RMST: variants seen among roughly 807,000 people sequenced by gnomAD.
The protein encoded by RMST is long intergenic non-protein coding RNA 54.
chr12:97,477,268 G>A (rs942285209), intron 5 of RMST, among the ~76,000 whole-genome samples: 2 of 152,116 alleles, frequency 1.3e-5, no homozygotes, highest in South Asian at 4.1e-4. Context: ...ATGTGGTGAG[G>A]TCCATGGATA....
In RMST at chr12:97,542,452, C is replaced by T. The variant is rs562945027; in HGVS notation, n.1545+11593C>T. 2.3e-3 allele frequency among the ~76,000 whole-genome samples: 350 copies of T among 151,834 alleles called. 1 individual carries two copies. The highest frequency in any genetic ancestry group is 8.0e-3 in the African/African-American group (331 of 41,436). ...AATTTAGAAACAGGAAAGGACTTCT[C>T]GAAAAAGAGAAAATAATACCAAAAA... On this transcript the variant is annotated intron_variant and non_coding_transcript_variant, in intron 11 of 13. Transcript: ENST00000640149.
intron 5 of RMST, among the ~76,000 whole-genome samples, chr12:97,484,740 G>A (rs1161669681): frequency 2.6e-5 from 4 of 152,122 alleles, no homozygotes; most frequent in East Asian, 3.9e-4. Context: ...CTCTTCCATT[G>A]TAAACTAAGA....
chr12:97,488,365 T>A (rs541309172), intron 5 of RMST, among the ~76,000 whole-genome samples: 2 of 152,290 alleles, frequency 1.3e-5, no homozygotes, highest in South Asian at 4.1e-4. Context: ...TTGAGACACA[T>A]TGATCGTGCC....
At chr12:97,503,788 C>T (rs1010760107) in intron 10 of RMST, among the ~76,000 whole-genome samples, 5 of 152,232 alleles carry the variant, frequency 3.3e-5, no homozygotes, top group African/African-American at 1.2e-4. Context: ...TTTGTACAGA[C>T]ACACTTTCTA....
intron 10 of RMST, among the ~76,000 whole-genome samples, chr12:97,521,501 A>G (rs1282765249): frequency 2.0e-5 from 3 of 152,180 alleles, no homozygotes; most frequent in Non-Finnish European, 2.9e-5. Flanking sequence ...TTTTTTCCTT[A>G]GTTACACTGA....
At chr12:97,493,760 G>C (rs567520189) in intron 7 of RMST, 96 of 152,182 alleles carry the variant, frequency 6.3e-4, no homozygotes, top group African/African-American at 2.3e-3. Context: ...CAGCTAATTT[G>C]TGCTATAATT....
At chr12:97,512,528 C>A (rs539764746) in intron 10 of RMST, among the ~76,000 whole-genome samples, 4 of 152,202 alleles carry the variant, frequency 2.6e-5, no homozygotes, top group Non-Finnish European at 4.4e-5. Flanking sequence ...AGGTTCTCCA[C>A]GTCCCCACCA....
intron 10 of RMST, among the ~76,000 whole-genome samples, chr12:97,519,017 A>G (rs1040772206): frequency 6.6e-6 from 1 of 152,100 alleles, no homozygotes; most frequent in Non-Finnish European, 1.5e-5. Flanking sequence ...GCCTCAAGCT[A>G]TTGTCCTGCC....
At chr12:97,477,196 G>C (rs570745342) in intron 5 of RMST, among the ~76,000 whole-genome samples, 1 of 152,194 alleles carries the variant, frequency 6.6e-6, no homozygotes, top group Non-Finnish European at 1.5e-5. Flanking sequence ...GCCCACATGC[G>C]CTTTGAAGTT....
At chr12:97,558,768 G>A (rs1223841878) in intron 11 of RMST, among the ~76,000 whole-genome samples, 1 of 152,140 alleles carries the variant, frequency 6.6e-6, no homozygotes, top group Non-Finnish European at 1.5e-5. Context: ...AAGGGGCTTG[G>A]TTATTTATTC....
intron 5 of RMST, among the ~76,000 whole-genome samples, chr12:97,473,970 GA>G (rs1265750591): frequency 6.6e-6 from 1 of 151,996 alleles, no homozygotes; most frequent in Admixed American, 6.6e-5. Context: ...TGTAGATGTA[GA>G]AAAAAGAGCC....
At chr12:97,561,510 A>G (rs189708335) in intron 13 of RMST, among the ~76,000 whole-genome samples, 1 of 152,286 alleles carries the variant, frequency 6.6e-6, no homozygotes, top group Admixed American at 6.5e-5. Context: ...TGAATTTTCA[A>G]TTCACATGAA....
chr12:97,525,552 G>A (rs1881006632), intron 10 of RMST, among the ~76,000 whole-genome samples: 1 of 152,166 alleles, frequency 6.6e-6, no homozygotes. Context: ...ATACTGTGAA[G>A]ATTAGTTTCT....
At chr12:97,562,165 C>T (rs1884164446) in intron 13 of RMST, among the ~76,000 whole-genome samples, 1 of 152,124 alleles carries the variant, frequency 6.6e-6, no homozygotes, top group African/African-American at 2.4e-5. Flanking sequence ...TTTAAAACTG[C>T]CCTTCAGTAC....
chr12:97,562,086 A>G (rs1328242856), intron 13 of RMST, among the ~76,000 whole-genome samples: 1 of 152,096 alleles, frequency 6.6e-6, no homozygotes, highest in Non-Finnish European at 1.5e-5. Context: ...AGTTTCCCAC[A>G]TAACAGTCAC....
At chr12:97,464,929 C>T (rs888391027) in intron 4 of RMST, 2 of 152,192 alleles carry the variant, frequency 1.3e-5, no homozygotes, top group African/African-American at 4.8e-5. Flanking sequence ...AACAAGGCAG[C>T]CTCCACAAAC....
At chr12:97,467,019 C>A (rs1274499388) in intron 5 of RMST, among the ~76,000 whole-genome samples, 2 of 151,872 alleles carry the variant, frequency 1.3e-5, no homozygotes, top group African/African-American at 4.8e-5. Context: ...GCATGCAAGT[C>A]AGAGAAAGCT....
chr12:97,546,408 C>T (rs1342063420), intron 11 of RMST, among the ~76,000 whole-genome samples: 1 of 151,862 alleles, frequency 6.6e-6, no homozygotes, highest in Non-Finnish European at 1.5e-5. Flanking sequence ...ATGGTGAAAC[C>T]CCATCTCTAC....
chr12:97,518,089 A>G (rs1385907881), intron 10 of RMST, among the ~76,000 whole-genome samples: 1 of 152,166 alleles, frequency 6.6e-6, no homozygotes. Context: ...ATTGAGTAAG[A>G]CCTTCTGAAA....
Sources: allele counts gnomAD v4.1 joint callset (sites outside exome capture counted in the v4.1 genomes callset), GRCh38; gene constraint gnomAD v4.1.1; transcripts MANE v1.5; gene names NCBI Gene and HGNC (gene_info 2026-07-23, HGNC 2026-07-21).